Variants in MALRD1 observed in about 807,000 individuals in gnomAD.
MALRD1 encodes MAM and LDL-receptor class A domain-containing protein 1.
Under a neutral mutation model 242.1 loss-of-function variants are expected in MALRD1, and 247 were observed. The observed-to-expected ratio is 1.02, with a 90% CI of 0.92 to 1.13. The LOEUF is 1.13. Among genes scored for constraint, MALRD1 ranks in the 50% most tolerant of loss-of-function variants. The pLI is 0.00. For synonymous variants in MALRD1, 995 were observed against 866.6 expected, an observed-to-expected ratio of 1.15 and a Z score of -2.60; for missense variants, 2,989 against 2,533.1, an observed-to-expected ratio of 1.18 and a Z score of -3.86.
intron 18 of MALRD1, among the ~76,000 whole-genome samples, chr10:19,248,705 T>C (rs1232260638): frequency 2.6e-5 from 4 of 151,526 alleles, no homozygotes; most frequent in Non-Finnish European, 5.9e-5. Context: ...TAACCAATGG[T>C]CTTTCTATGG....
At chr10:19,457,275 C>T (rs1589110377) in intron 29 of MALRD1, among the ~76,000 whole-genome samples, 2 of 152,252 alleles carry the variant, frequency 1.3e-5, no homozygotes, top group Admixed American at 6.5e-5. Flanking sequence ...AGTCACACAG[C>T]ACTTGACATA....
At chr10:19,532,680 A>G (rs1170995758) in intron 32 of MALRD1, among the ~76,000 whole-genome samples, 1 of 152,160 alleles carries the variant, frequency 6.6e-6, no homozygotes, top group Non-Finnish European at 1.5e-5. Context: ...CTAGACAGCG[A>G]CAGAAATTGA....
At chr10:19,143,395 G>A (rs1833616505) in intron 10 of MALRD1, among the ~76,000 whole-genome samples, 1 of 152,146 alleles carries the variant, frequency 6.6e-6, no homozygotes, top group African/African-American at 2.4e-5. Flanking sequence ...TTGCCTTGTT[G>A]GGGAAATTAG....
intron 18 of MALRD1, among the ~76,000 whole-genome samples, chr10:19,255,607 A>G (rs1839471501): frequency 6.6e-6 from 1 of 152,102 alleles, no homozygotes; most frequent in South Asian, 2.1e-4. Flanking sequence ...AGACTATCAT[A>G]CAAATGGACA....
intron 21 of MALRD1, among the ~76,000 whole-genome samples, chr10:19,321,834 G>A (rs1842924724): frequency 6.6e-6 from 1 of 152,108 alleles, no homozygotes; most frequent in Non-Finnish European, 1.5e-5. Context: ...CAGGTTTTAA[G>A]AAGTGGATTG....
intron 33 of MALRD1, among the ~76,000 whole-genome samples, chr10:19,591,135 A>C (rs949638408): frequency 1.3e-5 from 2 of 152,172 alleles, no homozygotes; most frequent in African/African-American, 2.4e-5. Flanking sequence ...CTAGAATGTC[A>C]TATAGTCAAA....
intron 24 of MALRD1, among the ~76,000 whole-genome samples, chr10:19,339,606 CATT>C (rs1843753394): frequency 6.6e-6 from 1 of 152,166 alleles, no homozygotes; most frequent in East Asian, 1.9e-4. Context: ...GTCAGCACTC[CATT>C]ACAAGTACTA....
chr10:19,336,636 C>T (rs117093209), intron 24 of MALRD1, among the ~76,000 whole-genome samples: 1 of 152,126 alleles, frequency 6.6e-6, no homozygotes. Flanking sequence ...TTTAATAGCC[C>T]ATGCCCCCCT....
chr10:19,489,282 A>T, intron 29 of MALRD1: 1 of 492,126 alleles, frequency 2.0e-6, no homozygotes, highest in East Asian at 6.1e-5. Flanking sequence ...GCAAAGGGAA[A>T]ACAGGCCTAA....
Position 19,243,528 on chromosome 10 carries a change from T to C in MALRD1, c.2992-14156T>C, listed in dbSNP as rs118167582. Among the ~76,000 whole-genome samples, 597 of 152,274 alleles carry C rather than the reference T, an allele frequency of 3.9e-3. 2 individuals carry two copies. Among genetic ancestry groups the C allele is most frequent in the Non-Finnish European group, 4.8e-3 (326 of 68,014 alleles). On this transcript the variant is annotated intron_variant, in intron 18 of 39. Coordinates refer to ENST00000454679, the MANE Select transcript of MALRD1 (RefSeq NM_001142308.3). ...TTGTTGCTCTTCTTACCCTTAGAGA[T>C]TGTGTATTATCCTCAGACGTAATTC...
chr10:19,685,491 T>A (rs1182147651), intron 36 of MALRD1, among the ~76,000 whole-genome samples: 1 of 152,092 alleles, frequency 6.6e-6, no homozygotes, highest in East Asian at 1.9e-4. Context: ...TGTGTAGATG[T>A]GTGTGTGTGC....
intron 36 of MALRD1, among the ~76,000 whole-genome samples, chr10:19,670,722 C>T (rs990793321): frequency 9.9e-5 from 15 of 152,188 alleles, no homozygotes; most frequent in African/African-American, 3.6e-4. Flanking sequence ...TATTGTCTTT[C>T]TCAACACATA....
intron 27 of MALRD1, 69 bp downstream of exon 27, chr10:19,387,842 A>G: frequency 6.7e-7 from 1 of 1,494,308 alleles, no homozygotes; most frequent in Non-Finnish European, 8.9e-7. Flanking sequence ...GTCTTTTCTG[A>G]TAGCAACTGG....
In MALRD1 at chr10:19,531,286, C is replaced by T. The variant is rs1008698227; in HGVS notation, c.5413C>T (p.Leu1805Phe). Residue 1805 changes from leucine to phenylalanine, a missense_variant, in exon 32 of 40, where the codon CTT (leucine) becomes TTT (phenylalanine). Leu to Phe is a conservative substitution (Grantham distance 22). Coordinates refer to ENST00000454679, the MANE Select transcript of MALRD1 (RefSeq NM_001142308.3). Reference protein sequence around the residue: ...ITTSKSFPASLGMCTVRFWFY... With the variant: ...ITTSKSFPASFGMCTVRFWFY... ...TACTTCCAAATCCTTCCCAGCAAGC[C>T]TTGGAATGTGTACTGTTCGGTTCTG... 3.2e-6 allele frequency: 5 copies of T among 1,550,252 alleles called. No homozygotes were observed. Among genetic ancestry groups the T allele is most frequent in the Non-Finnish European group, 2.6e-6 (3 of 1,146,870 alleles).
chr10:19,345,689 A>G (rs1342606823), intron 24 of MALRD1, among the ~76,000 whole-genome samples: 1 of 152,120 alleles, frequency 6.6e-6, no homozygotes, highest in East Asian at 1.9e-4. Context: ...CCTTGAAGAC[A>G]TTACAAATTT....
At chr10:19,732,219 G>A (rs531607765) in intron 39 of MALRD1, among the ~76,000 whole-genome samples, 48 of 152,254 alleles carry the variant, frequency 3.2e-4, no homozygotes, top group African/African-American at 1.1e-3. Flanking sequence ...ATAGGATGGT[G>A]TAATATAAAT....
intron 28 of MALRD1, among the ~76,000 whole-genome samples, chr10:19,399,585 T>G (rs1359276490): frequency 6.6e-6 from 1 of 152,110 alleles, no homozygotes; most frequent in Non-Finnish European, 1.5e-5. Context: ...ATTACAGAGT[T>G]GGAGTAGAGA....
At chr10:19,186,536 G>A (rs1408750283) in intron 14 of MALRD1, among the ~76,000 whole-genome samples, 1 of 152,202 alleles carries the variant, frequency 6.6e-6, no homozygotes, top group Non-Finnish European at 1.5e-5. Flanking sequence ...GAAAATACGT[G>A]ATTCTTCTTC....
intron 4 of MALRD1, among the ~76,000 whole-genome samples, chr10:19,098,723 A>T (rs1257953638): frequency 6.6e-6 from 1 of 152,148 alleles, no homozygotes; most frequent in Non-Finnish European, 1.5e-5. Context: ...TCATTGTTTC[A>T]TGCCAAGGAA....
Sources: allele counts gnomAD v4.1 joint callset (sites outside exome capture counted in the v4.1 genomes callset), GRCh38; gene constraint gnomAD v4.1.1; transcripts MANE v1.5; gene names NCBI Gene and HGNC (gene_info 2026-07-23, HGNC 2026-07-21).